Variants in DPF3 observed in about 807,000 individuals in gnomAD.
DPF3 encodes the protein zinc finger protein DPF3.
Under a neutral mutation model 56.8 loss-of-function variants are expected in DPF3, and 18 were observed. The ratio of observed to expected loss-of-function variants is 0.32; its 90% CI spans 0.22 to 0.47. The LOEUF (loss-of-function observed/expected upper bound fraction) is 0.47, where lower values mean the gene tolerates loss of function less well. DPF3 is among the 20% of genes least tolerant of loss of function. The pLI is 1.00. For synonymous variants in DPF3, 188 were observed against 180.2 expected (o/e 1.04, Z -0.35); for missense variants, 403 against 488.8 (o/e 0.82, Z 1.65).
At chr14:72,893,532 G>A (rs1886859485) in intron 1 of DPF3, among the ~76,000 whole-genome samples, 1 of 152,134 alleles carries the variant, frequency 6.6e-6, no homozygotes, top group Non-Finnish European at 1.5e-5. Flanking sequence ...GGAAGGCGAA[G>A]AGCGCCCTGC....
chr14:72,732,060 T>C, intron 3 of DPF3, 126 bp from the exon 4 acceptor site: 1 of 1,245,838 alleles, frequency 8.0e-7, no homozygotes, highest in African/African-American at 1.5e-5. Context: ...TCTCTCCTCC[T>C]GGAGGGAGAG....
chr14:72,749,208 C>T (rs1205334249), intron 3 of DPF3, among the ~76,000 whole-genome samples: 1 of 152,254 alleles, frequency 6.6e-6, no homozygotes, highest in African/African-American at 2.4e-5. Flanking sequence ...CTTGCATCAG[C>T]ATGACCTGGA....
intron 1 of DPF3, among the ~76,000 whole-genome samples, chr14:72,831,382 G>C (rs1465999063): frequency 6.6e-6 from 1 of 151,988 alleles, no homozygotes; most frequent in Non-Finnish European, 1.5e-5. Flanking sequence ...CACACTCCTT[G>C]TTACAAACCA....
chr14:72,846,981 G>A (rs957961937), intron 1 of DPF3, among the ~76,000 whole-genome samples: 2 of 152,090 alleles, frequency 1.3e-5, no homozygotes, highest in Non-Finnish European at 2.9e-5. Flanking sequence ...TCATTAACAT[G>A]TTATCTTCAT....
At chr14:72,672,036 CACACACACACACACACACACACAG>C (rs937561891) in intron 8 of DPF3, among the ~76,000 whole-genome samples, 9 of 110,412 alleles carry the variant, frequency 8.2e-5, no homozygotes, top group African/African-American at 3.5e-4. Context: ...ACACCACACA[CACACACACACACACACACACACAG>C]ACACACACAC....
chr14:72,788,724 GA>G, intron 1 of DPF3, among the ~76,000 whole-genome samples: 1 of 152,130 alleles, frequency 6.6e-6, no homozygotes, highest in East Asian at 1.9e-4. Context: ...AGTCTAGGGG[GA>G]GGTTGATGGT....
intron 8 of DPF3, among the ~76,000 whole-genome samples, chr14:72,643,634 T>C (rs1468059272): frequency 6.6e-6 from 1 of 152,208 alleles, no homozygotes; most frequent in East Asian, 1.9e-4. Context: ...CACTCAGACT[T>C]GCCAGGCCAG....
chr14:72,674,402 C>T, intron 7 of DPF3, 34 bp from the exon 8 acceptor site: 1 of 1,602,104 alleles, frequency 6.2e-7, no homozygotes, highest in African/African-American at 1.3e-5. Context: ...CAATTTCAGG[C>T]TTACATGAGT....
intron 7 of DPF3, among the ~76,000 whole-genome samples, chr14:72,680,681 G>A (rs200485822): frequency 2.6e-5 from 4 of 152,234 alleles, no homozygotes; most frequent in Admixed American, 1.3e-4. Context: ...ACTCCGCACC[G>A]TCAAGGACAA....
At chr14:72,667,667 G>A (rs1380736306) in intron 8 of DPF3, among the ~76,000 whole-genome samples, 1 of 152,112 alleles carries the variant, frequency 6.6e-6, no homozygotes, top group East Asian at 1.9e-4. Flanking sequence ...TGATTAAGAA[G>A]GTAAGTTATC....
chr14:72,649,902 T>C (rs1004162333), intron 8 of DPF3, among the ~76,000 whole-genome samples: 4 of 152,036 alleles, frequency 2.6e-5, no homozygotes, highest in Admixed American at 2.6e-4. Flanking sequence ...CCAACCAACA[T>C]CCATGCAAGT....
At chr14:72,763,235 A>G (rs1457053097) in intron 2 of DPF3, among the ~76,000 whole-genome samples, 4 of 152,098 alleles carry the variant, frequency 2.6e-5, no homozygotes, top group African/African-American at 7.2e-5. Context: ...AGTTTTTTGT[A>G]GAAATTGACA....
At chr14:72,687,607 C>T (rs1329424621) in intron 7 of DPF3, among the ~76,000 whole-genome samples, 1 of 152,136 alleles carries the variant, frequency 6.6e-6, no homozygotes, top group Non-Finnish European at 1.5e-5. Context: ...CAAAGACTTC[C>T]AATTGTCTGA....
At chr14:72,786,253 ACTCCAC>A (rs2139973526) in intron 1 of DPF3, among the ~76,000 whole-genome samples, 2 of 147,926 alleles carry the variant, frequency 1.4e-5, no homozygotes, top group South Asian at 4.4e-4. Flanking sequence ...ACAGAGCGAG[ACTCCAC>A]CTAAAAAAAA....
chr14:72,721,344 G>T (rs1299884361), intron 5 of DPF3, among the ~76,000 whole-genome samples: 1 of 152,334 alleles, frequency 6.6e-6, no homozygotes, highest in Non-Finnish European at 1.5e-5. Context: ...GAGGTGTGAA[G>T]AGGACCATTT....
chr14:72,776,384 G>C (rs1599431183), intron 1 of DPF3, among the ~76,000 whole-genome samples: 2 of 152,256 alleles, frequency 1.3e-5, no homozygotes, highest in East Asian at 1.9e-4. Flanking sequence ...GTTCTAGGGG[G>C]CTTTGTGAGT....
chr14:72,761,225 C>T (rs1452286381), intron 2 of DPF3, among the ~76,000 whole-genome samples: 1 of 151,982 alleles, frequency 6.6e-6, no homozygotes, highest in Non-Finnish European at 1.5e-5. Context: ...CCAATTTGAC[C>T]TAATTGATAT....
chr14:72,771,595 G>T (rs1377537157), intron 2 of DPF3, 138 bp downstream of exon 2: 2 of 850,772 alleles, frequency 2.4e-6, no homozygotes, highest in Admixed American at 7.7e-5. Context: ...GCTTCTTTAA[G>T]GTATCTCAGA....
intron 2 of DPF3, among the ~76,000 whole-genome samples, chr14:72,760,806 A>T (rs929510801): frequency 9.8e-5 from 15 of 152,302 alleles, no homozygotes; most frequent in African/African-American, 3.4e-4. Context: ...TGTAAAAAGC[A>T]TAACACAACT....
Sources: gnomAD v4.1 joint callset for allele counts (sites outside exome capture counted in the v4.1 genomes callset) on GRCh38, gnomAD v4.1.1 for gene constraint, MANE v1.5 for transcripts, NCBI Gene and HGNC (gene_info 2026-07-23, HGNC 2026-07-21) for gene names.